Variants in JAKMIP2 observed in about 807,000 individuals in gnomAD.
The protein encoded by JAKMIP2 is janus kinase and microtubule interacting protein 2, also known as janus kinase and microtubule-interacting protein 2.
A neutral mutation model predicts 115.0 loss-of-function variants in JAKMIP2; 25 were observed. That is an observed-to-expected ratio of 0.22 (90% CI 0.16 to 0.30). The LOEUF is 0.30. Ranked by LOEUF, JAKMIP2 falls within the 10% of genes least tolerant of loss-of-function variation. JAKMIP2 has a pLI of 1.00. For missense variants in JAKMIP2, 642 were observed against 957.6 expected, an observed-to-expected ratio of 0.67 and a Z score of 4.35; for synonymous variants, 334 against 343.6, an observed-to-expected ratio of 0.97 and a Z score of 0.31.
intron 1 of JAKMIP2, among the ~76,000 whole-genome samples, chr5:147,707,112 G>C (rs995809204): frequency 1.3e-5 from 2 of 152,056 alleles, no homozygotes; most frequent in African/African-American, 4.8e-5. Flanking sequence ...ACTGTGTTAA[G>C]TCTTCACCAA....
chr5:147,749,761 A>C (rs1754483405), intron 1 of JAKMIP2, among the ~76,000 whole-genome samples: 1 of 152,238 alleles, frequency 6.6e-6, no homozygotes, highest in Non-Finnish European at 1.5e-5. Context: ...CTAACACTTT[A>C]AATTATAATG....
chr5:147,623,713 T>G, intron 16 of JAKMIP2, 24 bp from the exon 17 acceptor site: 1 of 1,527,550 alleles, frequency 6.5e-7, no homozygotes, highest in Non-Finnish European at 9.1e-7. Context: ...AAGACAAAAG[T>G]GTTTGACATG....
intron 1 of JAKMIP2, among the ~76,000 whole-genome samples, chr5:147,683,308 A>G (rs2126838749): frequency 6.6e-6 from 1 of 152,324 alleles, no homozygotes; most frequent in Middle Eastern, 3.4e-3. Flanking sequence ...CCTGGCCAAC[A>G]TAGTGAAACC....
chr5:147,740,072 C>A (rs116595710), intron 1 of JAKMIP2, among the ~76,000 whole-genome samples: 2 of 152,200 alleles, frequency 1.3e-5, no homozygotes, highest in African/African-American at 4.8e-5. Flanking sequence ...CAACTGGAAC[C>A]TCACTTGCTG....
intron 1 of JAKMIP2, among the ~76,000 whole-genome samples, chr5:147,768,419 C>T (rs140714966): frequency 6.6e-6 from 1 of 152,246 alleles, no homozygotes; most frequent in East Asian, 1.9e-4. Flanking sequence ...ATCAAGACCA[C>T]AAATTTCACA....
intron 20 of JAKMIP2, among the ~76,000 whole-genome samples, chr5:147,610,973 G>A (rs905121556): frequency 3.3e-5 from 5 of 152,152 alleles, no homozygotes; most frequent in Non-Finnish European, 1.5e-5. Context: ...CCATGGCTTT[G>A]TTTACACTGT....
chr5:147,721,165 G>T (rs1016475290), intron 1 of JAKMIP2, among the ~76,000 whole-genome samples: 1 of 151,598 alleles, frequency 6.6e-6, no homozygotes, highest in Non-Finnish European at 1.5e-5. Flanking sequence ...CTGCTCGGGG[G>T]TCAGGAGTCA....
At chr5:147,617,533 A>G (rs1756648519) in intron 19 of JAKMIP2, among the ~76,000 whole-genome samples, 1 of 152,120 alleles carries the variant, frequency 6.6e-6, no homozygotes, top group Admixed American at 6.5e-5. Context: ...TATTCGGATT[A>G]TTATCAGGCT....
At chr5:147,695,189 G>A (rs1752046810) in intron 1 of JAKMIP2, among the ~76,000 whole-genome samples, 1 of 151,998 alleles carries the variant, frequency 6.6e-6, no homozygotes, top group African/African-American at 2.4e-5. Context: ...GGCAGTTTAG[G>A]GACAGTTGCC....
intron 20 of JAKMIP2, 125 bp downstream of exon 20, chr5:147,612,181 G>A (rs545652415): frequency 4.4e-5 from 34 of 777,938 alleles, no homozygotes; most frequent in Non-Finnish European, 7.4e-5. Flanking sequence ...TAGGTTTACT[G>A]TAACTATACC....
intron 1 of JAKMIP2, among the ~76,000 whole-genome samples, chr5:147,675,405 T>TG (rs1759884610): frequency 6.6e-6 from 1 of 152,086 alleles, no homozygotes; most frequent in Non-Finnish European, 1.5e-5. Context: ...CCAGTTGTAA[T>TG]GGGTGCCTGG....
intron 1 of JAKMIP2, among the ~76,000 whole-genome samples, chr5:147,699,956 G>T (rs1391840046): frequency 1.3e-5 from 2 of 152,214 alleles, no homozygotes; most frequent in African/African-American, 4.8e-5. Context: ...ATCCTTCATG[G>T]TGGTGTGTGA....
chr5:147,710,425 T>A (rs879480697), intron 1 of JAKMIP2, among the ~76,000 whole-genome samples: 5 of 152,102 alleles, frequency 3.3e-5, no homozygotes, highest in African/African-American at 9.7e-5. Flanking sequence ...TACAGCAAAA[T>A]GTCAGGGAGA....
intron 1 of JAKMIP2, among the ~76,000 whole-genome samples, chr5:147,676,104 T>C (rs947639592): frequency 6.6e-6 from 1 of 151,922 alleles, no homozygotes; most frequent in African/African-American, 2.4e-5. Flanking sequence ...GAGGCCGAGG[T>C]GGGCGGATCA....
At chr5:147,712,188 T>C (rs1260616292) in intron 1 of JAKMIP2, among the ~76,000 whole-genome samples, 1 of 152,174 alleles carries the variant, frequency 6.6e-6, no homozygotes, top group Non-Finnish European at 1.5e-5. Flanking sequence ...GCCCTTCTTG[T>C]CTACAACCCA....
At chr5:147,692,967 A>G (rs1261203250) in intron 1 of JAKMIP2, among the ~76,000 whole-genome samples, 1 of 152,244 alleles carries the variant, frequency 6.6e-6, no homozygotes, top group Admixed American at 6.5e-5. Context: ...TTTATCTTAT[A>G]TCTTATTATC....
At chr5:147,642,372 T>C (rs1757920859) in intron 7 of JAKMIP2, among the ~76,000 whole-genome samples, 1 of 152,178 alleles carries the variant, frequency 6.6e-6, no homozygotes, top group Non-Finnish European at 1.5e-5. Context: ...TCATGATTTA[T>C]TGTTGCTGTG....
chr5:147,781,638 C>T (rs1013058157), intron 1 of JAKMIP2, among the ~76,000 whole-genome samples: 4 of 152,120 alleles, frequency 2.6e-5, no homozygotes, highest in Non-Finnish European at 4.4e-5. Context: ...TCCAATCGGT[C>T]ACAATGAAAC....
intron 1 of JAKMIP2, among the ~76,000 whole-genome samples, chr5:147,693,187 G>C (rs1442987424): frequency 6.6e-6 from 1 of 152,138 alleles, no homozygotes; most frequent in Non-Finnish European, 1.5e-5. Context: ...TCTGGAGTCA[G>C]ACCCTAGGCT....
Sources: allele counts gnomAD v4.1 joint callset (sites outside exome capture counted in the v4.1 genomes callset), GRCh38; gene constraint gnomAD v4.1.1; transcripts MANE v1.5; gene names NCBI Gene and HGNC (gene_info 2026-07-23, HGNC 2026-07-21).